The following NEDD9 variants were observed in gnomAD, a reference collection of about 807,000 sequenced individuals.
NEDD9 encodes the protein neural precursor cell expressed, developmentally down-regulated 9, also known as enhancer of filamentation 1.
A neutral mutation model predicts 76.6 loss-of-function variants in NEDD9; 26 were observed. The ratio of observed to expected loss-of-function variants is 0.34; its 90% CI spans 0.25 to 0.47. The LOEUF is 0.47. Among genes scored for constraint, NEDD9 ranks in the 20% least tolerant of loss-of-function variants. NEDD9 has a pLI of 1.00. For missense variants in NEDD9, 937 were observed against 1,058.5 expected (o/e 0.89, Z 1.59); for synonymous variants, 392 against 414.2 (o/e 0.95, Z 0.65).
chr6:11,311,755 C>A (rs1193540084), intron 2 of NEDD9, among the ~76,000 whole-genome samples: 2 of 152,188 alleles, frequency 1.3e-5, no homozygotes, highest in Non-Finnish European at 2.9e-5. Context: ...CGCCTGTAAT[C>A]CTAGCACTTT....
At chr6:11,233,423 C>T (rs775903980), upstream of NEDD9, 14 of 518,856 alleles carry the variant, frequency 2.7e-5, no homozygotes, top group East Asian at 3.3e-4. Context: ...TGTGACCTCT[C>T]GGATGGGGTT....
chr6:11,272,546 C>T (rs762729376), intron 3 of NEDD9, among the ~76,000 whole-genome samples: 15 of 152,150 alleles, frequency 9.9e-5, no homozygotes, highest in Non-Finnish European at 7.3e-5. Flanking sequence ...AGAAGGAGAA[C>T]GCTATCATCT....
chr6:11,348,601 G>A (rs886108562), intron 1 of NEDD9, among the ~76,000 whole-genome samples: 1 of 152,124 alleles, frequency 6.6e-6, no homozygotes, highest in Non-Finnish European at 1.5e-5. Context: ...GAACAGAATA[G>A]AGAGCTCAGA....
At chr6:11,316,832 C>T (rs1044126833) in intron 2 of NEDD9, among the ~76,000 whole-genome samples, 12 of 152,168 alleles carry the variant, frequency 7.9e-5, no homozygotes, top group Admixed American at 1.3e-4. Flanking sequence ...AGGTGGGAGA[C>T]GGAGCCGTTG....
chr6:11,348,485 G>A (rs947474397), intron 1 of NEDD9, among the ~76,000 whole-genome samples: 1 of 152,150 alleles, frequency 6.6e-6, no homozygotes, highest in African/African-American at 2.4e-5. Context: ...GCAATCCTAA[G>A]TTAAAAGAAC....
intron 3 of NEDD9, among the ~76,000 whole-genome samples, chr6:11,283,837 G>T (rs1760585884): frequency 6.6e-6 from 1 of 152,116 alleles, no homozygotes. Flanking sequence ...CAGGAGGGAG[G>T]GTTCACGTGT....
chr6:11,333,052 AAGGAAGGAAGGG>A (rs1213060835), intron 2 of NEDD9, among the ~76,000 whole-genome samples: 28 of 61,858 alleles, frequency 4.5e-4, no homozygotes, highest in African/African-American at 2.0e-3. Flanking sequence ...AAAAGGAAGG[AAGGAAGGAAGGG>A]AGGGAGGGAG....
In NEDD9 at chr6:11,198,828, A is replaced by C. The variant is rs1758354081; in HGVS notation, c.460-5136T>G. 1 of 152,270 alleles carries C rather than the reference A, an allele frequency of 6.6e-6. No homozygotes were observed. 9.4% of individuals were successfully genotyped at this position (152,270 alleles called of 1,614,324 possible). Reference sequence around the variant, plus strand: ...AATAAGCTTGGTTTCCAGGTAAGCCAGCTCTGGGTTAAGTAGAACCCATGG... The same window carrying C: ...AATAAGCTTGGTTTCCAGGTAAGCCCGCTCTGGGTTAAGTAGAACCCATGG... On this transcript the variant is annotated intron_variant, in intron 2 of 6. Transcript: ENST00000379446. The surrounding 1 kb of genome is among the most constrained non-coding windows in gnomAD (Gnocchi z 4.7).
In NEDD9 at chr6:11,284,391, TAAAAAAAAAAAA is replaced by T. The variant is rs1168452567; in HGVS notation, c.12+21589_12+21600del. Reference sequence around the variant, plus strand: ...TAACACGGTGAAACCCCGTCTCTACTAAAAAAAAAAAAAAAAAAAAAAAAAGTAGCTGGGCAT... The same window carrying T: ...TAACACGGTGAAACCCCGTCTCTACTAAAAAAAAAAAAAGTAGCTGGGCAT... On this transcript the variant is annotated intron_variant, in intron 3 of 3. Transcript: ENST00000397378. Among the ~76,000 whole-genome samples, 3 of 70,208 alleles carry T rather than the reference TAAAAAAAAAAAA, an allele frequency of 4.3e-5. No individual in the cohort carries two copies. The Admixed American group carries it at 5.0e-4, about 12-fold the overall frequency. 46.1% of individuals were successfully genotyped at this position (70,208 alleles called of 152,430 possible). A position where few individuals can be genotyped will look rare whatever the true frequency, so the allele number is the denominator to read the frequency against.
rs1758849852 is a variant in NEDD9, at chr6:11,213,521, A to C, written c.219T>G (p.Ser73Arg). ...TCAGTCCAGAGGCAGGCTGCTCGTGACTGGAGGCAGTCTCCTGCATGGGAC... is the reference window on the plus strand; with the variant it reads ...TCAGTCCAGAGGCAGGCTGCTCGTGCCTGGAGGCAGTCTCCTGCATGGGAC... ...LIGPMQETAS[S>R]HEQPASGLMQ... is the part of the protein sequence containing the mutation. The change falls in exon 2 of 7, where the codon AGT (serine) becomes AGG (arginine). Residue 73 changes from serine to arginine, a missense_variant. Physicochemically the swap from Ser to Arg is moderately radical, Grantham distance 110. Coordinates refer to ENST00000379446, the MANE Select transcript of NEDD9 (RefSeq NM_006403.4). This position sits in a 1 kb window ranked among gnomAD's most constrained non-coding sequence, Gnocchi z 5.4. 1.2e-6 allele frequency: 2 copies of C among 1,614,034 alleles called. No homozygotes were observed. The highest frequency in any genetic ancestry group is 2.7e-5 in the African/African-American group (2 of 74,890).
At chr6:11,303,360 TAA>T (rs977222857) in intron 3 of NEDD9, among the ~76,000 whole-genome samples, 12 of 152,124 alleles carry the variant, frequency 7.9e-5, no homozygotes, top group Admixed American at 5.9e-4. Context: ...CTCAATGAAA[TAA>T]AAGAGGACAC....
At chr6:11,342,176 A>C (rs565069424) in intron 1 of NEDD9, among the ~76,000 whole-genome samples, 11 of 152,260 alleles carry the variant, frequency 7.2e-5, no homozygotes, top group African/African-American at 2.4e-4. Flanking sequence ...GAAAAAATGA[A>C]CAAAGGGTCA....
chr6:11,371,315 C>T (rs984572554), intron 1 of NEDD9, among the ~76,000 whole-genome samples: 1 of 152,110 alleles, frequency 6.6e-6, no homozygotes. Flanking sequence ...AGGGTTCGCA[C>T]CTGGTGGTGT....
intron 3 of NEDD9, among the ~76,000 whole-genome samples, chr6:11,304,672 T>C (rs906412954): frequency 6.6e-6 from 1 of 152,206 alleles, no homozygotes; most frequent in Non-Finnish European, 1.5e-5. Flanking sequence ...TGGATAAAGC[T>C]GGAAACCATC....
intron 2 of NEDD9, among the ~76,000 whole-genome samples, chr6:11,331,899 A>T (rs7738900): frequency 6.6e-6 from 1 of 152,056 alleles, no homozygotes. Context: ...AAGCCCAGAC[A>T]TACAGAGGGC....
chr6:11,245,694 A>G (rs1759793348), intron 3 of NEDD9, among the ~76,000 whole-genome samples: 1 of 152,186 alleles, frequency 6.6e-6, no homozygotes, highest in Non-Finnish European at 1.5e-5. Flanking sequence ...ATCTGGTTCT[A>G]ATTTACTAAA....
At chr6:11,353,980 G>C (rs1462845259) in intron 1 of NEDD9, among the ~76,000 whole-genome samples, 1 of 152,186 alleles carries the variant, frequency 6.6e-6, no homozygotes, top group Non-Finnish European at 1.5e-5. Flanking sequence ...TTTTCATGCT[G>C]ATTAATCTAA....
In NEDD9 at chr6:11,232,262, G is replaced by T. The variant is rs1051533920; in HGVS notation, c.12+242C>A. Among the ~76,000 whole-genome samples the T allele has an allele frequency of 5.9e-5, 9 of 152,314 alleles. No homozygotes were observed. The East Asian group carries it at 1.7e-3, about 29-fold the overall frequency. On this transcript the variant is annotated intron_variant, in intron 1 of 6. Coordinates refer to ENST00000379446, the MANE Select transcript of NEDD9 (RefSeq NM_006403.4). ...CTCCAAGTCTTAACTTCTCACCGAGGTATTTCCCCGGCAACTTTCAGAGCA... is the reference window on the plus strand; with the variant it reads ...CTCCAAGTCTTAACTTCTCACCGAGTTATTTCCCCGGCAACTTTCAGAGCA...
intron 3 of NEDD9, among the ~76,000 whole-genome samples, chr6:11,267,396 A>C (rs1760220474): frequency 6.6e-6 from 1 of 152,102 alleles, no homozygotes; most frequent in Non-Finnish European, 1.5e-5. Flanking sequence ...AAAAAAAAAA[A>C]AACCACCACT....
Sources: allele counts gnomAD v4.1 joint callset (sites outside exome capture counted in the v4.1 genomes callset), GRCh38; gene constraint gnomAD v4.1.1; non-coding constraint Gnocchi (gnomAD v3.1); transcripts MANE v1.5; gene names NCBI Gene and HGNC (gene_info 2026-07-23, HGNC 2026-07-21).